The following NRXN1 variants were observed in gnomAD, a reference collection of about 807,000 sequenced individuals.
NRXN1 encodes neurexin-1.
In NRXN1, 39 loss-of-function variants were observed where a neutral mutation model predicts 150.9. The observed-to-expected ratio is 0.26, with a 90% CI of 0.20 to 0.34. The LOEUF is 0.34. Ranked by LOEUF, NRXN1 falls within the 10% of genes least tolerant of loss-of-function variation. The pLI, the probability that NRXN1 is intolerant of heterozygous loss-of-function variation, is 1.00. For missense variants in NRXN1, 1,815 were observed against 1,949.9 expected (o/e 0.93, Z 1.30); for synonymous variants, 924 against 757.0 (o/e 1.22, Z -3.62).
chr2:50,083,458 C>T (rs780265971), intron 19 of NRXN1, among the ~76,000 whole-genome samples: 9 of 152,194 alleles, frequency 5.9e-5, no homozygotes, highest in Non-Finnish European at 1.2e-4. Flanking sequence ...CTTGGTCTCA[C>T]TGACTTCAAG....
At chr2:50,142,823 A>T (rs547430536) in intron 18 of NRXN1, among the ~76,000 whole-genome samples, 3 of 151,798 alleles carry the variant, frequency 2.0e-5, no homozygotes, top group Non-Finnish European at 2.9e-5. Flanking sequence ...ATTAAGGGAG[A>T]TCAGATACAA....
chr2:50,467,508 A>G (rs2089017947), intron 16 of NRXN1, among the ~76,000 whole-genome samples: 1 of 151,598 alleles, frequency 6.6e-6, no homozygotes, highest in Admixed American at 6.6e-5. Context: ...GATGATTTTG[A>G]AAATGGCTTC....
At chr2:50,106,829 C>T (rs1701709915) in intron 18 of NRXN1, among the ~76,000 whole-genome samples, 1 of 151,876 alleles carries the variant, frequency 6.6e-6, no homozygotes, top group Non-Finnish European at 1.5e-5. Flanking sequence ...AATGTAAATG[C>T]ATGCTTAGCA....
chr2:50,782,078 T>C (rs538830845), intron 5 of NRXN1, among the ~76,000 whole-genome samples: 3 of 151,802 alleles, frequency 2.0e-5, no homozygotes, highest in Non-Finnish European at 2.9e-5. Flanking sequence ...AATGTTTTCT[T>C]TTCTTGAATG....
At chr2:50,296,612 G>GC (rs11405872) in intron 17 of NRXN1, among the ~76,000 whole-genome samples, 6,073 of 151,398 alleles carry the variant, frequency 0.04, 419 homozygotes, top group African/African-American at 0.14. Context: ...GGAACAACAG[G>GC]CATGCACTAC....
chr2:50,300,374 T>G (rs1043203523), intron 17 of NRXN1, among the ~76,000 whole-genome samples: 20 of 152,294 alleles, frequency 1.3e-4, no homozygotes, highest in African/African-American at 4.8e-4. Context: ...TCAAGTGTAC[T>G]ATGGAAAAAC....
chr2:50,948,827 G>A (rs967117625), intron 2 of NRXN1, among the ~76,000 whole-genome samples: 1 of 151,970 alleles, frequency 6.6e-6, no homozygotes, highest in Admixed American at 6.6e-5. Context: ...AGAACTACTA[G>A]GTTATTTACA....
intron 9 of NRXN1, among the ~76,000 whole-genome samples, chr2:50,544,555 T>C (rs2093454283): frequency 1.3e-5 from 2 of 152,108 alleles, no homozygotes; most frequent in Non-Finnish European, 2.9e-5. Flanking sequence ...TAAATCAATA[T>C]ATGAAAACAG....
intron 19 of NRXN1, among the ~76,000 whole-genome samples, chr2:50,073,270 G>C (rs1477529543): frequency 6.6e-6 from 1 of 152,160 alleles, no homozygotes; most frequent in East Asian, 1.9e-4. Context: ...ATCTGCAACA[G>C]ACTATGTGTT....
intron 5 of NRXN1, among the ~76,000 whole-genome samples, chr2:50,885,820 A>AACACACATAC (rs1680145991): frequency 7.0e-6 from 1 of 143,752 alleles, no homozygotes; most frequent in Non-Finnish European, 1.5e-5. Flanking sequence ...TATTTCTATA[A>AACACACATAC]ACACACACAC....
At chr2:50,620,273 T>C in intron 7 of NRXN1, 90 bp from the exon 8 acceptor site, 1 of 1,401,236 alleles carries the variant, frequency 7.1e-7, no homozygotes, top group Non-Finnish European at 9.6e-7. Context: ...TTTGCTTTTG[T>C]TTTTTTGTTT....
chr2:50,600,065 G>T (rs1284490302), intron 8 of NRXN1, among the ~76,000 whole-genome samples: 1 of 152,086 alleles, frequency 6.6e-6, no homozygotes, highest in East Asian at 1.9e-4. Flanking sequence ...TAGAAGAGAT[G>T]TGTCTGACTA....
In NRXN1 at chr2:50,120,434, G is replaced by C. The variant is rs188299162; in HGVS notation, c.3547-28940C>G. ...CAAGATATTTGCAAAGTATTGATCA[G>C]AATACTATTTATAGTTTATTTTTAG... On this transcript the variant is annotated intron_variant, in intron 18 of 22. Coordinates refer to ENST00000401669, the MANE Select transcript of NRXN1 (RefSeq NM_001330078.2). Among the ~76,000 whole-genome samples the C allele has an allele frequency of 4.0e-3, 607 of 152,154 alleles. 8 individuals are homozygous for C. The highest frequency in any genetic ancestry group is 3.3e-3 in the Non-Finnish European group (226 of 67,986).
chr2:50,924,777 T>G (rs1296099812), intron 3 of NRXN1, among the ~76,000 whole-genome samples: 1 of 151,746 alleles, frequency 6.6e-6, no homozygotes, highest in Non-Finnish European at 1.5e-5. Flanking sequence ...GTTCAGCAGC[T>G]AAGCAATTAT....
At chr2:49,924,928 T>G (rs1406346313) in intron 22 of NRXN1, among the ~76,000 whole-genome samples, 1 of 152,212 alleles carries the variant, frequency 6.6e-6, no homozygotes, top group Non-Finnish European at 1.5e-5. Flanking sequence ...ATTAATATTC[T>G]TTTTCTATTT....
At position 50,864,113 on chromosome 2, in the gene NRXN1, T is replaced by TG. The variant is rs1232384323; in HGVS notation, c.832+57755dup. Among the ~76,000 whole-genome samples, 16 of 152,012 alleles carry TG rather than the reference T, an allele frequency of 1.1e-4. 1 individual carries two copies. Among genetic ancestry groups the TG allele is most frequent in the Non-Finnish European group, 2.9e-5 (2 of 67,966 alleles). ...ACACACAAAAGGTCTTAGGTTCCTT[T>TG]GGGAAAAAAGTCCAGCTAGACAAAG... On this transcript the variant is annotated intron_variant, in intron 5 of 22. Coordinates refer to ENST00000401669, the MANE Select transcript of NRXN1 (RefSeq NM_001330078.2).
rs891146994 is a variant in NRXN1, at chr2:50,880,646, C to T, written c.832+41223G>A. Among the ~76,000 whole-genome samples, 8 of 151,876 alleles carry T rather than the reference C, an allele frequency of 5.3e-5. No homozygotes were observed. The South Asian group carries it at 6.2e-4, about 12-fold the overall frequency. On this transcript the variant is annotated intron_variant, in intron 5 of 22. Coordinates refer to ENST00000401669, the MANE Select transcript of NRXN1 (RefSeq NM_001330078.2). ...TACTCCAAATGGCCAACAATTTGCA[C>T]GAGGTTAACAGAAGAATCAGGCATT...
intron 17 of NRXN1, among the ~76,000 whole-genome samples, chr2:50,241,185 A>T (rs1246511913): frequency 6.6e-6 from 1 of 151,346 alleles, no homozygotes; most frequent in African/African-American, 2.4e-5. Context: ...ATCACCATAA[A>T]ACATCTAGCA....
chr2:50,730,725 T>C (rs1005773205), intron 5 of NRXN1, among the ~76,000 whole-genome samples: 10 of 139,160 alleles, frequency 7.2e-5, no homozygotes, highest in Non-Finnish European at 1.2e-4. Context: ...CAGGCTGGAG[T>C]GCAGTGGCGC....
Sources: allele counts gnomAD v4.1 joint callset (sites outside exome capture counted in the v4.1 genomes callset), GRCh38; gene constraint gnomAD v4.1.1; transcripts MANE v1.5; gene names NCBI Gene and HGNC (gene_info 2026-07-23, HGNC 2026-07-21).